The following LNPEP variants were observed in gnomAD, a reference collection of about 807,000 sequenced individuals.
LNPEP encodes the protein leucyl-cystinyl aminopeptidase.
A neutral mutation model predicts 120.6 loss-of-function variants in LNPEP; 64 were observed. The observed-to-expected ratio is 0.53, with a 90% CI of 0.43 to 0.65. The LOEUF (loss-of-function observed/expected upper bound fraction) is 0.65, where lower values mean the gene tolerates loss of function less well. LNPEP is among the 30% of genes least tolerant of loss of function. The pLI, the probability that LNPEP is intolerant of heterozygous loss-of-function variation, is 0.00. For missense variants in LNPEP, 1,057 were observed against 1,200.0 expected (o/e 0.88, Z 1.76); for synonymous variants, 435 against 425.4 (o/e 1.02, Z -0.28).
intron 12 of LNPEP, among the ~76,000 whole-genome samples, chr5:97,014,118 AT>A (rs1484815276): frequency 6.6e-6 from 1 of 151,070 alleles, no homozygotes; most frequent in Non-Finnish European, 1.5e-5. Flanking sequence ...TTCAAGCTCT[AT>A]TTTATTTTAT....
chr5:97,000,389 C>G (rs1357636141), intron 8 of LNPEP, among the ~76,000 whole-genome samples: 1 of 152,170 alleles, frequency 6.6e-6, no homozygotes, highest in Non-Finnish European at 1.5e-5. Flanking sequence ...GAAAGACCTG[C>G]TTGCAAGGTT....
chr5:97,003,203 CATT>C (rs1379909528), intron 8 of LNPEP, among the ~76,000 whole-genome samples: 4 of 152,174 alleles, frequency 2.6e-5, no homozygotes, highest in Non-Finnish European at 5.9e-5. Context: ...GGAATCTACT[CATT>C]AATTCTTTTT....
chr5:97,013,227 A>C (rs549894113), intron 11 of LNPEP, among the ~76,000 whole-genome samples: 2 of 152,274 alleles, frequency 1.3e-5, no homozygotes, highest in Admixed American at 1.3e-4. Context: ...GAAGAATGAC[A>C]ACTTAGATGT....
chr5:96,972,890 G>A (rs1309297282), intron 1 of LNPEP, among the ~76,000 whole-genome samples: 1 of 152,062 alleles, frequency 6.6e-6, no homozygotes, highest in Non-Finnish European at 1.5e-5. Context: ...CAAAGTCAGG[G>A]TGAGGGGCAG....
chr5:96,982,826 C>G (rs1404974205), intron 2 of LNPEP, among the ~76,000 whole-genome samples: 1 of 152,044 alleles, frequency 6.6e-6, no homozygotes, highest in Non-Finnish European at 1.5e-5. Flanking sequence ...AAAAAGTACA[C>G]AAATTTTAAG....
chr5:96,961,940 T>C (rs1789617999), intron 1 of LNPEP, among the ~76,000 whole-genome samples: 1 of 152,156 alleles, frequency 6.6e-6, no homozygotes, highest in Non-Finnish European at 1.5e-5. Flanking sequence ...TTACTGCCCA[T>C]GATGAAGTAG....
Position 97,028,666 on chromosome 5 carries a change from T to C in LNPEP, c.*133T>C. The C allele has an allele frequency of 1.2e-6, 1 of 823,146 alleles. No individual in the cohort carries two copies. Among genetic ancestry groups the C allele is most frequent in the South Asian group, 1.6e-5 (1 of 61,202 alleles). The allele number at this position is 823,146 out of a possible 1,614,324, so 51.0% of individuals were successfully genotyped here. A position where few individuals can be genotyped will look rare whatever the true frequency, so the allele number is the denominator to read the frequency against. On this transcript the variant is annotated 3_prime_UTR_variant, in exon 18 of 18. Transcript: ENST00000231368. ...TGCACTCTTTGGAGTTCTAGTTAGC[T>C]CAGGGCCTGACTGTATTTTTCATCC...
chr5:97,018,141 A>G (rs1407405122), intron 13 of LNPEP, among the ~76,000 whole-genome samples: 1 of 152,082 alleles, frequency 6.6e-6, no homozygotes, highest in Non-Finnish European at 1.5e-5. Flanking sequence ...ATACTATTCA[A>G]CCTAGTACAG....
rs139573818 is a variant in LNPEP at position 96,993,196 on chromosome 5, A to T, written c.1252+61A>T. On this transcript the variant is annotated intron_variant, in intron 5 of 17. Coordinates refer to ENST00000231368, the MANE Select transcript of LNPEP (RefSeq NM_005575.3). ...ATTAGAACCTAGATTTATTTTGTGA[A>T]TTTTTTTAGAAAGAGGTTCTGCCCA... The T allele has an allele frequency of 9.3e-4, 1,197 of 1,293,196 alleles. 11 individuals carry two copies. The African/African-American group carries it at 0.016, about 17-fold the overall frequency. 80.1% of individuals were successfully genotyped at this position (1,293,196 alleles called of 1,614,324 possible). A position where few individuals can be genotyped will look rare whatever the true frequency, so the allele number is the denominator to read the frequency against.
In LNPEP at chr5:96,986,666, C is replaced by A; in HGVS notation, c.1127C>A (p.Thr376Asn). Reference protein sequence around the residue: ...MKNLSQDVNGTLVSIYAVPEK... With the variant: ...MKNLSQDVNGNLVSIYAVPEK... ...AACCTGAGTCAGGACGTAAATGGAA[C>A]CCTGGTATGTTGATGTGGTAATTGT... The change falls in exon 4 of 18, where the codon ACC (threonine) becomes AAC (asparagine). Residue 376 changes from threonine to asparagine, a missense_variant. Transcript: ENST00000231368. 6.2e-7 allele frequency: 1 copy of A among 1,613,180 alleles called. No homozygotes were observed. The highest frequency in any genetic ancestry group is 8.5e-7 in the Non-Finnish European group (1 of 1,179,436).
chr5:96,998,200 C>T lies in LNPEP; in HGVS notation c.1653+55C>T, dbSNP rs910441132. On this transcript the variant is annotated intron_variant, in intron 8 of 17. Coordinates refer to ENST00000231368, the MANE Select transcript of LNPEP (RefSeq NM_005575.3). ...GTGGGTTTAAAATTTCGTATAATTT[C>T]GTATGTGAGCAAGCTGTGTGATTTA... The T allele has an allele frequency of 3.8e-5, 49 of 1,287,580 alleles. 1 individual carries two copies. The highest frequency in any genetic ancestry group is 3.2e-4 in the East Asian group (13 of 40,202). The allele number at this position is 1,287,580 out of a possible 1,614,324, so 79.8% of individuals were successfully genotyped here.
chr5:96,955,276 T>C (rs554615446), intron 1 of LNPEP, among the ~76,000 whole-genome samples: 1 of 152,314 alleles, frequency 6.6e-6, no homozygotes, highest in South Asian at 2.1e-4. Context: ...GTGCTCTTTT[T>C]TGGCCTGACT....
chr5:96,944,548 TTCTTATTTTTGC>T (rs1789138073), intron 1 of LNPEP, among the ~76,000 whole-genome samples: 1 of 149,040 alleles, frequency 6.7e-6, no homozygotes, highest in African/African-American at 2.5e-5. Flanking sequence ...TTTTTTGTTT[TTCTTATTTTTGC>T]TTTTTTTTTT....
At chr5:96,941,111 A>T (rs1789040649) in intron 1 of LNPEP, among the ~76,000 whole-genome samples, 1 of 152,146 alleles carries the variant, frequency 6.6e-6, no homozygotes, top group African/African-American at 2.4e-5. Context: ...GAGTGGTGGG[A>T]GACAGTGACA....
In LNPEP at chr5:97,006,529, G is replaced by A; in HGVS notation, c.2035+14G>A. The A allele has an allele frequency of 1.5e-6, 2 of 1,305,330 alleles. No homozygotes were observed. The highest frequency in any genetic ancestry group is 2.3e-5 in the East Asian group (1 of 43,280). 80.9% of individuals were successfully genotyped at this position (1,305,330 alleles called of 1,614,324 possible). A position where few individuals can be genotyped will look rare whatever the true frequency, so the allele number is the denominator to read the frequency against. ...ATAAGAAATCAGGTTTGACTATAAT[G>A]ACAGTTCTGATTGGAAATGGCATAA... On this transcript the variant is annotated intron_variant, in intron 11 of 17. Coordinates refer to ENST00000231368, the MANE Select transcript of LNPEP (RefSeq NM_005575.3).
intron 14 of LNPEP, among the ~76,000 whole-genome samples, chr5:97,024,285 G>A (rs538486186): frequency 1.3e-5 from 2 of 152,152 alleles, no homozygotes; most frequent in Non-Finnish European, 2.9e-5. Context: ...CCAGCCAGTC[G>A]CCTGCCTGGT....
chr5:97,021,932 T>TG (rs1791210121), intron 13 of LNPEP, among the ~76,000 whole-genome samples: 3 of 135,794 alleles, frequency 2.2e-5, no homozygotes, highest in South Asian at 2.6e-4. Flanking sequence ...TGTTTTTTTT[T>TG]TTTTTTTTTT....
chr5:96,958,424 C>T, intron 1 of LNPEP: 3 of 974,632 alleles, frequency 3.1e-6, no homozygotes, highest in Non-Finnish European at 3.7e-6. Flanking sequence ...AAGCATAACT[C>T]GAAATGCCAC....
chr5:97,021,165 T>G (rs1342652732), intron 13 of LNPEP, among the ~76,000 whole-genome samples: 1 of 152,206 alleles, frequency 6.6e-6, no homozygotes, highest in East Asian at 1.9e-4. Flanking sequence ...TATCTGTGAG[T>G]TGCATGCCAA....
Sources: allele counts gnomAD v4.1 joint callset (sites outside exome capture counted in the v4.1 genomes callset), GRCh38; gene constraint gnomAD v4.1.1; transcripts MANE v1.5; gene names NCBI Gene and HGNC (gene_info 2026-07-23, HGNC 2026-07-21).